Variants in NCKAP5 observed in about 807,000 individuals in gnomAD.
NCKAP5 encodes NCK associated protein 5.
Under a neutral mutation model 167.0 loss-of-function variants are expected in NCKAP5, and 92 were observed. The ratio of observed to expected loss-of-function variants is 0.55; its 90% confidence interval spans 0.47 to 0.66. The LOEUF is 0.66. Among genes scored for constraint, NCKAP5 ranks in the 30% least tolerant of loss-of-function variants. NCKAP5 has a pLI of 0.00. For synonymous variants in NCKAP5, 891 were observed against 877.4 expected (o/e 1.02, Z -0.27); for missense variants, 2,378 against 2,315.0 (o/e 1.03, Z -0.56).
intron 5 of NCKAP5, among the ~76,000 whole-genome samples, chr2:133,185,197 G>A (rs1420492417): frequency 6.6e-6 from 1 of 152,090 alleles, no homozygotes; most frequent in Non-Finnish European, 1.5e-5. Context: ...AGCTATTCCA[G>A]CATCATGTAT....
At chr2:132,894,726 C>T (rs1183990692) in intron 8 of NCKAP5, among the ~76,000 whole-genome samples, 1 of 152,170 alleles carries the variant, frequency 6.6e-6, no homozygotes, top group Non-Finnish European at 1.5e-5. Flanking sequence ...GGCCTTCCCA[C>T]TCAGGACCCC....
intron 3 of NCKAP5, among the ~76,000 whole-genome samples, chr2:133,347,337 T>A (rs1684048115): frequency 6.6e-6 from 1 of 152,054 alleles, no homozygotes; most frequent in African/African-American, 2.4e-5. Flanking sequence ...GCAGATCACC[T>A]GAGGTTGGAA....
At chr2:133,594,095 G>A in the NCKAP5 span, among the ~76,000 whole-genome samples, 3 of 152,130 alleles carry the variant, frequency 2.0e-5, no homozygotes, top group South Asian at 2.1e-4. Flanking sequence ...TTCCTTCAGC[G>A]TGGTGGGACC....
chr2:133,026,445 C>A (rs1267520489), intron 6 of NCKAP5, among the ~76,000 whole-genome samples: 1 of 151,484 alleles, frequency 6.6e-6, no homozygotes, highest in African/African-American at 2.4e-5. Context: ...ACTTCCCTGG[C>A]CTTAAGAATA....
At chr2:133,633,042 C>T in the NCKAP5 span, among the ~76,000 whole-genome samples, 5 of 152,288 alleles carry the variant, frequency 3.3e-5, no homozygotes, top group African/African-American at 1.2e-4. Flanking sequence ...ATGACTGAGT[C>T]CCCAAATCCT....
At chr2:132,763,060 T>C (rs1316262990) in intron 16 of NCKAP5, among the ~76,000 whole-genome samples, 1 of 152,166 alleles carries the variant, frequency 6.6e-6, no homozygotes, top group East Asian at 1.9e-4. Flanking sequence ...GAGTGTTTCA[T>C]GAGGAGGAAG....
intron 5 of NCKAP5, among the ~76,000 whole-genome samples, chr2:133,190,670 G>C (rs995053039): frequency 1.3e-5 from 2 of 152,064 alleles, no homozygotes; most frequent in Admixed American, 1.3e-4. Flanking sequence ...GAAATGGGGA[G>C]AGGATTCCCT....
chr2:132,785,786 T>C (rs1683517526), intron 13 of NCKAP5, 68 bp from the exon 14 acceptor site: 1 of 1,282,660 alleles, frequency 7.8e-7, no homozygotes, highest in Admixed American at 3.5e-5. Context: ...AAAGGAAAAG[T>C]ACATCATGGG....
chr2:133,639,280 G>A, the NCKAP5 span, among the ~76,000 whole-genome samples: 4 of 152,152 alleles, frequency 2.6e-5, no homozygotes, highest in Non-Finnish European at 5.9e-5. Context: ...ATTTGATAAG[G>A]CTTAATATCT....
chr2:133,204,278 CA>C (rs764544506), intron 5 of NCKAP5, among the ~76,000 whole-genome samples: 2 of 152,150 alleles, frequency 1.3e-5, no homozygotes, highest in Non-Finnish European at 2.9e-5. Context: ...CAAAATGAGA[CA>C]TCAGTTAATA....
chr2:132,739,932 T>G (rs1045245238), intron 16 of NCKAP5, among the ~76,000 whole-genome samples: 1 of 152,184 alleles, frequency 6.6e-6, no homozygotes, highest in Non-Finnish European at 1.5e-5. Flanking sequence ...GATTCTCCCT[T>G]GTTTACAGAC....
intron 9 of NCKAP5, among the ~76,000 whole-genome samples, chr2:132,876,871 A>G (rs753514544): frequency 2.6e-5 from 4 of 152,210 alleles, no homozygotes; most frequent in Non-Finnish European, 5.9e-5. Context: ...TGGGAAACAC[A>G]CAAAATACAG....
At chr2:133,382,334 C>T (rs1319709170) in intron 3 of NCKAP5, among the ~76,000 whole-genome samples, 1 of 152,172 alleles carries the variant, frequency 6.6e-6, no homozygotes, top group African/African-American at 2.4e-5. Flanking sequence ...GTGTATTATG[C>T]CCCTCCCTCG....
intron 3 of NCKAP5, chr2:133,333,799 G>T (rs1296439010): frequency 6.6e-6 from 1 of 152,194 alleles, no homozygotes; most frequent in Non-Finnish European, 1.5e-5. Flanking sequence ...ACTGGGTGTT[G>T]TGTGGAAATG....
At chr2:132,688,765 C>G (rs1573871953) in intron 19 of NCKAP5, among the ~76,000 whole-genome samples, 1 of 152,006 alleles carries the variant, frequency 6.6e-6, no homozygotes. Flanking sequence ...GTGGGCAGAT[C>G]GTTTCAGACC....
intron 3 of NCKAP5, among the ~76,000 whole-genome samples, chr2:133,432,683 G>C (rs1427719798): frequency 6.6e-6 from 1 of 152,092 alleles, no homozygotes; most frequent in Admixed American, 6.6e-5. Context: ...TGAGCTCCAT[G>C]GGCTCCACAG....
In NCKAP5 at chr2:133,158,931, G is replaced by A. The variant is rs138236286; in HGVS notation, c.208-28820C>T. 6.3e-3 allele frequency among the ~76,000 whole-genome samples: 952 copies of A among 151,368 alleles called. 27 individuals are homozygous for A. The highest frequency in any genetic ancestry group is 0.022 in the African/African-American group (902 of 41,274). On this transcript the variant is annotated intron_variant, in intron 5 of 19. Transcript: ENST00000409261. ...ATGGCTTGTGCTCTTAAGGGCTACA[G>A]TAGATAGAACAACAGCCTACCAAAG...
chr2:132,785,973 G>A (rs756258500), intron 13 of NCKAP5, among the ~76,000 whole-genome samples: 1 of 152,262 alleles, frequency 6.6e-6, no homozygotes, highest in Non-Finnish European at 1.5e-5. Flanking sequence ...AGGAATCCCA[G>A]TGGGGAGAGG....
chr2:132,977,701 C>T (rs2077015839), intron 7 of NCKAP5, among the ~76,000 whole-genome samples: 1 of 152,182 alleles, frequency 6.6e-6, no homozygotes, highest in Non-Finnish European at 1.5e-5. Flanking sequence ...AAGAGAGAAG[C>T]TCCACCTATT....
Sources: allele counts gnomAD v4.1 joint callset (sites outside exome capture counted in the v4.1 genomes callset), GRCh38; gene constraint gnomAD v4.1.1; transcripts MANE v1.5; gene names NCBI Gene and HGNC (gene_info 2026-07-23, HGNC 2026-07-21).